Variants in SNAP25 observed in about 807,000 individuals in gnomAD.
SNAP25 encodes synaptosomal-associated protein 25.
SNAP25 carries 3 observed loss-of-function variants against 28.7 expected under a neutral mutation model. That is an observed-to-expected ratio of 0.10 (90% CI 0.05 to 0.27). The LOEUF (loss-of-function observed/expected upper bound fraction) is 0.27. Ranked by LOEUF, SNAP25 falls within the 10% of genes least tolerant of loss-of-function variation. SNAP25 has a pLI of 1.00. For synonymous variants in SNAP25, 61 were observed against 88.1 expected (o/e 0.69, Z 1.72); for missense variants, 117 against 278.7 (o/e 0.42, Z 4.13).
chr20:10,259,319 GTTTGCTGGC>G (rs1480537797), intron 1 of SNAP25, among the ~76,000 whole-genome samples: 1 of 152,210 alleles, frequency 6.6e-6, no homozygotes, highest in African/African-American at 2.4e-5. Flanking sequence ...CTTCCTGGGA[GTTTGCTGGC>G]TTAGGAAATG....
At chr20:10,277,833 T>C (rs2063716876) in intron 3 of SNAP25, 107 bp downstream of exon 3, 1 of 1,044,992 alleles carries the variant, frequency 9.6e-7, no homozygotes, top group Non-Finnish European at 1.5e-6. Flanking sequence ...TAGATTCCAG[T>C]GTGGATGTAG....
In SNAP25 at chr20:10,260,989, G is replaced by C. The variant is rs1170568096; in HGVS notation, c.-63-14440G>C. On this transcript the variant is annotated intron_variant, in intron 1 of 7. Transcript: ENST00000254976. The stretch of plus-strand genomic sequence containing the variant: ...CTAGAAGTCTGTATCTCTGCTTAGG[G>C]TACCATGACTGTTTACTAACCACCT... Among the ~76,000 whole-genome samples the C allele has an allele frequency of 2.6e-5, 4 of 151,994 alleles. No homozygotes were observed. The East Asian group carries it at 7.7e-4, about 29-fold the overall frequency.
intron 3 of SNAP25, among the ~76,000 whole-genome samples, chr20:10,280,983 G>C (rs1448039403): frequency 6.6e-6 from 1 of 152,090 alleles, no homozygotes; most frequent in African/African-American, 2.4e-5. Context: ...TCTAGTTTTA[G>C]TTCAGATGTT....
intron 1 of SNAP25, among the ~76,000 whole-genome samples, chr20:10,248,003 C>T (rs1033455089): frequency 2.6e-5 from 4 of 152,212 alleles, no homozygotes; most frequent in Non-Finnish European, 5.9e-5. Flanking sequence ...CTCTGTTCCA[C>T]AGGGTGTATC....
At chr20:10,295,586 G>C (rs1385879515) in intron 5 of SNAP25, among the ~76,000 whole-genome samples, 1 of 152,058 alleles carries the variant, frequency 6.6e-6, no homozygotes, top group Non-Finnish European at 1.5e-5. Flanking sequence ...TTGTCTCTAG[G>C]GTTGCTTGGC....
At chr20:10,257,123 C>T (rs2063330784) in intron 1 of SNAP25, among the ~76,000 whole-genome samples, 1 of 152,008 alleles carries the variant, frequency 6.6e-6, no homozygotes, top group South Asian at 2.1e-4. Context: ...GGGGTGTTAC[C>T]GGGGCATCAA....
chr20:10,263,205 G>A (rs1332237335), intron 1 of SNAP25, among the ~76,000 whole-genome samples: 1 of 151,848 alleles, frequency 6.6e-6, no homozygotes, highest in African/African-American at 2.4e-5. Flanking sequence ...ATTTTTGGTA[G>A]AGACGGGGTT....
chr20:10,222,977 A>T (rs2122602411), intron 1 of SNAP25, among the ~76,000 whole-genome samples: 1 of 152,324 alleles, frequency 6.6e-6, no homozygotes, highest in Admixed American at 6.5e-5. Context: ...GGTGCACTTG[A>T]ATAATAAACA....
intron 1 of SNAP25, among the ~76,000 whole-genome samples, chr20:10,273,145 ATT>A (rs33941524): frequency 6.7e-6 from 1 of 150,144 alleles, no homozygotes; most frequent in Admixed American, 6.6e-5. Context: ...TATGTTCCTG[ATT>A]TTTTTTTTCA....
At chr20:10,275,259 C>T (rs2063670904) in intron 1 of SNAP25, among the ~76,000 whole-genome samples, 170 bp from the exon 2 acceptor site, 1 of 152,120 alleles carries the variant, frequency 6.6e-6, no homozygotes, top group Admixed American at 6.5e-5. Flanking sequence ...GTATTTGTGG[C>T]ATCCTTCGGA....
At chr20:10,259,562 AG>A (rs1402740022) in intron 1 of SNAP25, among the ~76,000 whole-genome samples, 1 of 61,550 alleles carries the variant, frequency 1.6e-5, no homozygotes. Context: ...TTTTTGAGAC[AG>A]AGTCTCATTC....
At chr20:10,265,585 T>C (rs1373959916) in intron 1 of SNAP25, among the ~76,000 whole-genome samples, 1 of 152,216 alleles carries the variant, frequency 6.6e-6, no homozygotes, top group Non-Finnish European at 1.5e-5. Context: ...ATTTATCTCA[T>C]GGAAATCAGT....
Position 10,238,808 on chromosome 20 carries a change from G to A in SNAP25, c.-64+19831G>A, listed in dbSNP as rs2062969138. 2.0e-5 allele frequency among the ~76,000 whole-genome samples: 3 copies of A among 152,200 alleles called. No homozygotes were observed. The South Asian group carries it at 6.2e-4, about 32-fold the overall frequency. On this transcript the variant is annotated intron_variant, in intron 1 of 7. Coordinates refer to ENST00000254976, the MANE Select transcript of SNAP25 (RefSeq NM_130811.4). Reference sequence around the variant, plus strand: ...TAATCTCAGCTACTCAGGAGGCTGAGGCAGGAGAATCACTTGAACCTGGGA... The same window carrying A: ...TAATCTCAGCTACTCAGGAGGCTGAAGCAGGAGAATCACTTGAACCTGGGA...
In SNAP25 at chr20:10,299,264, C is replaced by T; in HGVS notation, c.408-4C>T. ...TCTTCTAAAACTTGCTCTTTGGATCCCAGGGTAACAAATGATGCCCGAGAA... is the reference window on the plus strand; with the variant it reads ...TCTTCTAAAACTTGCTCTTTGGATCTCAGGGTAACAAATGATGCCCGAGAA... On this transcript the variant is annotated splice_region_variant and splice_polypyrimidine_tract_variant and intron_variant, in intron 6 of 7. Coordinates refer to ENST00000254976, the MANE Select transcript of SNAP25 (RefSeq NM_130811.4). 1 of 1,613,276 alleles carries T rather than the reference C, an allele frequency of 6.2e-7. No homozygotes were observed. The highest frequency in any genetic ancestry group is 1.3e-5 in the African/African-American group (1 of 74,922).
chr20:10,284,693 T>G (rs769486219), intron 3 of SNAP25, 31 bp from the exon 4 acceptor site: 4 of 1,587,898 alleles, frequency 2.5e-6, no homozygotes, highest in Admixed American at 3.3e-5. Flanking sequence ...TCTAACTCCT[T>G]TTCAACTTTG....
At chr20:10,225,348 A>G (rs1450251553) in intron 1 of SNAP25, among the ~76,000 whole-genome samples, 1 of 152,128 alleles carries the variant, frequency 6.6e-6, no homozygotes, top group African/African-American at 2.4e-5. Flanking sequence ...CTTATTGTTG[A>G]CTACAGAGGT....
At chr20:10,246,851 G>T (rs2063137464) in intron 1 of SNAP25, among the ~76,000 whole-genome samples, 1 of 152,142 alleles carries the variant, frequency 6.6e-6, no homozygotes, top group Admixed American at 6.5e-5. Context: ...AGCATTTATT[G>T]TGTCCAGGCA....
At chr20:10,242,793 G>A (rs1220578881) in intron 1 of SNAP25, among the ~76,000 whole-genome samples, 8 of 152,220 alleles carry the variant, frequency 5.3e-5, no homozygotes, top group Non-Finnish European at 8.8e-5. Context: ...CCAGGAATAA[G>A]TTCATTGCAT....
Position 10,293,355 on chromosome 20 carries a change from A to ATGAGCTTG in SNAP25, c.281+77_281+78insTGAGCTTG. 9.1e-7 allele frequency: 1 copy of ATGAGCTTG among 1,098,798 alleles called. No individual in the cohort carries two copies. Among genetic ancestry groups the ATGAGCTTG allele is most frequent in the Non-Finnish European group, 1.4e-6 (1 of 715,732 alleles). 68.1% of individuals were successfully genotyped at this position (1,098,798 alleles called of 1,614,324 possible). On this transcript the variant is annotated intron_variant, in intron 5 of 7. Coordinates refer to ENST00000254976, the MANE Select transcript of SNAP25 (RefSeq NM_130811.4). The surrounding 1 kb of genome is among the most constrained non-coding windows in gnomAD (Gnocchi z 5.6). The stretch of plus-strand genomic sequence containing the variant: ...AGCCTTGACAAGCTCATTCCTGCCA[A>ATGAGCTTG]GCTCATAGGCAGGATGAGCATGTGG...
Sources: gnomAD v4.1 joint callset for allele counts (sites outside exome capture counted in the v4.1 genomes callset) on GRCh38, gnomAD v4.1.1 for gene constraint, Gnocchi (gnomAD v3.1) non-coding constraint, MANE v1.5 for transcripts, NCBI Gene and HGNC (gene_info 2026-07-23, HGNC 2026-07-21) for gene names.